C1orf159: variants seen among roughly 807,000 people sequenced by gnomAD.
The protein encoded by C1orf159 is chromosome 1 open reading frame 159.
Under a neutral mutation model 25.6 loss-of-function variants are expected in C1orf159, and 19 were observed. The observed-to-expected ratio is 0.74, with a 90% CI of 0.52 to 1.09. The LOEUF is 1.09. Ranked by LOEUF, C1orf159 falls within the 50% of genes least tolerant of loss-of-function variation. The probability of loss-of-function intolerance (pLI) is 0.00; values close to 1 mark genes in which losing one functional copy is unlikely to be tolerated. For synonymous variants in C1orf159, 139 were observed against 124.7 expected, an observed-to-expected ratio of 1.12 and a Z score of -0.77; for missense variants, 274 against 290.6, an observed-to-expected ratio of 0.94 and a Z score of 0.42.
intron 7 of C1orf159, 140 bp from the exon 8 acceptor site, chr1:1,084,646 G>C: frequency 1.9e-6 from 2 of 1,027,726 alleles, no homozygotes; most frequent in South Asian, 1.4e-5. Context: ...CAGAGGCCCC[G>C]GGGCTGCAGG....
chr1:1,085,387 T>C, intron 7 of C1orf159: 1 of 327,350 alleles, frequency 3.1e-6, no homozygotes, highest in African/African-American at 2.2e-5. Flanking sequence ...CACAAGGCCG[T>C]CTCTCCAGTG....
chr1:1,085,353 GC>G, intron 7 of C1orf159: 1 of 348,798 alleles, frequency 2.9e-6, no homozygotes, highest in Non-Finnish European at 5.9e-6. Flanking sequence ...CTCAGAACCC[GC>G]CCCCGCCTGA....
At chr1:1,088,206 C>A (rs1360859552) in intron 4 of C1orf159, among the ~76,000 whole-genome samples, 1 of 94,598 alleles carries the variant, frequency 1.1e-5, no homozygotes, top group Admixed American at 9.9e-5. Context: ...CAGGACCCCC[C>A]CCCCATGGCC....
At position 1,084,384 on chromosome 1, in the gene C1orf159, C is replaced by A; in HGVS notation, c.472-1G>T. ...ACTGTGGCGGGGGGATCATTGCAGC[C>A]TTGAAAAGGAGAGAAAGGCAGAGTG... On this transcript the variant is annotated splice_acceptor_variant, in intron 8 of 9. Coordinates refer to ENST00000421241, the MANE Select transcript of C1orf159 (RefSeq NM_017891.5). LOFTEE classifies it high-confidence loss of function. The A allele has an allele frequency of 6.3e-7, 1 of 1,576,776 alleles. No individual in the cohort carries two copies.
intron 3 of C1orf159, chr1:1,091,215 C>A: frequency 1.6e-6 from 1 of 615,612 alleles, no homozygotes; most frequent in Non-Finnish European, 2.9e-6. Flanking sequence ...GCTCCCATTG[C>A]GGGCCAGGAT....
chr1:1,113,908 G>A (rs1026629414), intron 1 of C1orf159, among the ~76,000 whole-genome samples: 3 of 149,438 alleles, frequency 2.0e-5, no homozygotes, highest in Non-Finnish European at 4.4e-5. Flanking sequence ...ACGCTCCCTC[G>A]AGGCCTTTTT....
In C1orf159 at chr1:1,082,841, T is replaced by G; in HGVS notation, c.*52A>C. On this transcript the variant is annotated 3_prime_UTR_variant, in exon 10 of 10. Coordinates refer to ENST00000421241, the MANE Select transcript of C1orf159 (RefSeq NM_017891.5). ...CTTTGTGCTGGTTCCCGCCAAGGGG[T>G]CGGCCTCCGGGTCCCTGCCGCCAAG... is the stretch of plus-strand genomic sequence containing the variant. The G allele has an allele frequency of 6.8e-7, 1 of 1,479,854 alleles. No homozygotes were observed. The highest frequency in any genetic ancestry group is 1.7e-4 in the Middle Eastern group (1 of 5,774). 91.7% of individuals were successfully genotyped at this position (1,479,854 alleles called of 1,614,324 possible).
chr1:1,084,603 C>T, intron 7 of C1orf159, 97 bp from the exon 8 acceptor site: 2 of 1,483,234 alleles, frequency 1.3e-6, no homozygotes, highest in Admixed American at 2.0e-5. Context: ...GGAGCTGCCT[C>T]AGCCTCAGCC....
chr1:1,105,536 G>A (rs982891378), intron 1 of C1orf159, among the ~76,000 whole-genome samples: 3 of 151,836 alleles, frequency 2.0e-5, no homozygotes, highest in Non-Finnish European at 4.4e-5. Context: ...TAAAGGCATT[G>A]GATTTAAAAA....
At position 1,082,568 on chromosome 1, in the gene C1orf159, T is replaced by C; in HGVS notation, c.*325A>G. ...GGCAGAGCGGCACCTGCCCCATAGATCGTGCCAGCTTTGGCTGCAGGCGCT... is the reference window on the plus strand; with the variant it reads ...GGCAGAGCGGCACCTGCCCCATAGACCGTGCCAGCTTTGGCTGCAGGCGCT... On this transcript the variant is annotated 3_prime_UTR_variant, in exon 10 of 10. Coordinates refer to ENST00000421241, the MANE Select transcript of C1orf159 (RefSeq NM_017891.5). 2.6e-6 allele frequency: 1 copy of C among 387,868 alleles called. No individual in the cohort carries two copies. The highest frequency in any genetic ancestry group is 4.8e-6 in the Non-Finnish European group (1 of 207,468). 24.0% of individuals were successfully genotyped at this position (387,868 alleles called of 1,614,324 possible). A position where few individuals can be genotyped will look rare whatever the true frequency, so the allele number is the denominator to read the frequency against.
chr1:1,084,578 G>A (rs547890351), intron 7 of C1orf159, 72 bp from the exon 8 acceptor site: 191 of 1,533,542 alleles, frequency 1.2e-4, no homozygotes, highest in Non-Finnish European at 1.6e-4. Flanking sequence ...TGCAGCGTCC[G>A]GGACAGCAGA....
chr1:1,088,805 G>A (rs917932489), intron 4 of C1orf159, among the ~76,000 whole-genome samples: 9 of 152,176 alleles, frequency 5.9e-5, no homozygotes, highest in Non-Finnish European at 1.0e-4. Context: ...GGACCCCGCG[G>A]TGGAGAGTGG....
At chr1:1,084,327 C>A (rs777894228) in intron 9 of C1orf159, 26 bp downstream of exon 9, 1 of 1,535,250 alleles carries the variant, frequency 6.5e-7, no homozygotes, top group East Asian at 2.3e-5. Flanking sequence ...GGAAACCCCA[C>A]AGGGGGATGC....
At chr1:1,111,524 AC>A (rs1295429603) in intron 1 of C1orf159, among the ~76,000 whole-genome samples, 2 of 152,172 alleles carry the variant, frequency 1.3e-5, no homozygotes, top group African/African-American at 2.4e-5. Flanking sequence ...ACAGAGCCAG[AC>A]CCCGTCTCAA....
rs41285818 is a variant in C1orf159 at position 1,084,461 on chromosome 1, G to A, written c.471+20C>T. 4,769 of 1,568,426 alleles carry A rather than the reference G, an allele frequency of 3.0e-3. 32 individuals are homozygous for A. Among genetic ancestry groups the A allele is most frequent in the South Asian group, 0.012 (1,037 of 85,902 alleles). On this transcript the variant is annotated intron_variant, in intron 8 of 9. Transcript: ENST00000421241. ...ACACGCGGCCAGGGACGCTCAGCCC[G>A]GATGATGTGGGTTACTTACGGCTTC...
intron 6 of C1orf159, among the ~76,000 whole-genome samples, chr1:1,086,391 C>T (rs1645831241): frequency 6.6e-6 from 1 of 152,262 alleles, no homozygotes; most frequent in Admixed American, 6.5e-5. Context: ...AGCACAGGCC[C>T]TGGGGCCCCC....
chr1:1,083,360 T>A, intron 9 of C1orf159: 1 of 228,546 alleles, frequency 4.4e-6, no homozygotes, highest in Non-Finnish European at 8.6e-6. Flanking sequence ...AAGAAGGGGC[T>A]TTGCAGGGGG....
rs61766340 is a variant in C1orf159, at chr1:1,087,734, G to A, written c.149-137C>T. ...AACATGCTCTGGAGGGTAGGTGGGCGGCAGACAAGGACACCCCCAGGGAGC... is the reference window on the plus strand; with the variant it reads ...AACATGCTCTGGAGGGTAGGTGGGCAGCAGACAAGGACACCCCCAGGGAGC... On this transcript the variant is annotated intron_variant, in intron 4 of 9. Transcript: ENST00000421241. The surrounding 1 kb of genome is among the most constrained non-coding windows in gnomAD (Gnocchi z 8.3). 0.015 allele frequency: 10,474 copies of A among 690,214 alleles called. 103 individuals carry two copies. Among genetic ancestry groups the A allele is most frequent in the Non-Finnish European group, 0.021 (8,475 of 409,882 alleles). The allele number at this position is 690,214 out of a possible 1,614,324, so 42.8% of individuals were successfully genotyped here.
intron 1 of C1orf159, among the ~76,000 whole-genome samples, chr1:1,108,978 A>G (rs1229950225): frequency 1.2e-5 from 1 of 80,606 alleles, no homozygotes; most frequent in Non-Finnish European, 2.2e-5. Context: ...TCTCAGCACC[A>G]TCCACCACGG....
Sources: gnomAD v4.1 joint callset for allele counts (sites outside exome capture counted in the v4.1 genomes callset) on GRCh38, gnomAD v4.1.1 for gene constraint, Gnocchi (gnomAD v3.1) non-coding constraint, MANE v1.5 for transcripts, NCBI Gene and HGNC (gene_info 2026-07-23, HGNC 2026-07-21) for gene names.